PDE4D: variants seen among roughly 807,000 people sequenced by gnomAD.
PDE4D encodes the protein phosphodiesterase 4D.
PDE4D carries 24 observed loss-of-function variants against 87.4 expected under a neutral mutation model. The observed-to-expected ratio is 0.27, with a 90% CI of 0.20 to 0.39. The LOEUF (loss-of-function observed/expected upper bound fraction) is 0.39, where lower values mean the gene tolerates loss of function less well. Ranked by LOEUF, PDE4D falls within the 10% of genes least tolerant of loss-of-function variation. PDE4D has a pLI of 1.00. For missense variants in PDE4D, 714 were observed against 1,041.0 expected, an observed-to-expected ratio of 0.69 and a Z score of 4.32; for synonymous variants, 384 against 383.2, an observed-to-expected ratio of 1.00 and a Z score of -0.02.
intron 1 of PDE4D, among the ~76,000 whole-genome samples, chr5:60,220,179 C>T (rs1303824703): frequency 6.6e-6 from 1 of 152,020 alleles, no homozygotes; most frequent in Non-Finnish European, 1.5e-5. Flanking sequence ...TGCAGCCTGT[C>T]CACAAGATCA....
intron 3 of PDE4D, among the ~76,000 whole-genome samples, chr5:59,912,913 T>C (rs1191889184): frequency 6.6e-6 from 1 of 152,168 alleles, no homozygotes; most frequent in Non-Finnish European, 1.5e-5. Flanking sequence ...TGCTAGTAGG[T>C]GACTGAAGGC....
At chr5:60,452,673 C>T (rs1397729574) in intron 1 of PDE4D, among the ~76,000 whole-genome samples, 1 of 152,066 alleles carries the variant, frequency 6.6e-6, no homozygotes, top group Non-Finnish European at 1.5e-5. Context: ...ACACCTATGG[C>T]ATTTCAGAGG....
chr5:59,100,096 A>G (rs1770476902), intron 5 of PDE4D, among the ~76,000 whole-genome samples: 1 of 152,122 alleles, frequency 6.6e-6, no homozygotes, highest in Non-Finnish European at 1.5e-5. Context: ...TATCTCCCAA[A>G]CTGCTTCCCA....
chr5:59,359,173 A>G (rs1173559077), intron 1 of PDE4D, among the ~76,000 whole-genome samples: 2 of 152,212 alleles, frequency 1.3e-5, no homozygotes, highest in African/African-American at 4.8e-5. Context: ...AGGAAGGAGA[A>G]CTAATCTTGT....
intron 5 of PDE4D, among the ~76,000 whole-genome samples, chr5:59,100,981 A>G (rs1242406315): frequency 6.6e-6 from 1 of 152,218 alleles, no homozygotes; most frequent in Non-Finnish European, 1.5e-5. Context: ...GGCTTCTGCC[A>G]CTGCCATGTG....
chr5:60,476,426 T>C (rs1190372027), intron 1 of PDE4D, among the ~76,000 whole-genome samples: 1 of 152,158 alleles, frequency 6.6e-6, no homozygotes, highest in African/African-American at 2.4e-5. Flanking sequence ...ACACAGCCCC[T>C]GCCATGACTG....
intron 5 of PDE4D, among the ~76,000 whole-genome samples, chr5:59,106,284 A>C (rs1278176816): frequency 3.3e-5 from 5 of 152,240 alleles, no homozygotes; most frequent in Non-Finnish European, 5.9e-5. Flanking sequence ...GTATAGAGGA[A>C]CAACTTGTAG....
intron 1 of PDE4D, among the ~76,000 whole-genome samples, chr5:60,503,502 C>T (rs1750189931): frequency 6.6e-6 from 1 of 151,928 alleles, no homozygotes; most frequent in Non-Finnish European, 1.5e-5. Context: ...TTTGGTATTC[C>T]TTGCATTTAT....
rs182692856 is a variant in PDE4D at position 59,772,691 on chromosome 5, T to C, written c.455+120477A>G. Reference sequence around the variant, plus strand: ...TCAAAAGGATGGAAGAAATGATTTATACTCAGCTATGGAAAACATTGTATG... The same window carrying C: ...TCAAAAGGATGGAAGAAATGATTTACACTCAGCTATGGAAAACATTGTATG... On this transcript the variant is annotated intron_variant, in intron 1 of 14. Coordinates refer to ENST00000340635, the MANE Select transcript of PDE4D (RefSeq NM_001104631.2). Among the ~76,000 whole-genome samples the C allele has an allele frequency of 1.8e-4, 28 of 152,350 alleles. 1 individual carries two copies. In the East Asian group the frequency reaches 5.0e-3, roughly 27 times the overall value.
chr5:59,790,074 A>G (rs1029614633), intron 1 of PDE4D, among the ~76,000 whole-genome samples: 5 of 152,196 alleles, frequency 3.3e-5, no homozygotes, highest in African/African-American at 1.2e-4. Context: ...TGACAGAGAC[A>G]CACAGAGCCT....
chr5:59,871,590 G>T (rs62371462), intron 1 of PDE4D, among the ~76,000 whole-genome samples: 3 of 152,172 alleles, frequency 2.0e-5, no homozygotes, highest in South Asian at 2.1e-4. Flanking sequence ...ATACACTTCG[G>T]TTGCTTAATT....
chr5:59,562,824 C>A (rs993206303), intron 1 of PDE4D, among the ~76,000 whole-genome samples: 5 of 151,912 alleles, frequency 3.3e-5, no homozygotes, highest in African/African-American at 9.7e-5. Context: ...TAGAAAGAAA[C>A]CCTATTTCTC....
At chr5:59,318,951 C>T (rs1280878812) in intron 1 of PDE4D, among the ~76,000 whole-genome samples, 3 of 151,874 alleles carry the variant, frequency 2.0e-5, no homozygotes, top group African/African-American at 4.8e-5. Flanking sequence ...GACCATAGCC[C>T]TTCTGTTCAT....
intron 1 of PDE4D, among the ~76,000 whole-genome samples, chr5:60,462,011 G>C (rs998919273): frequency 3.3e-5 from 5 of 152,278 alleles, no homozygotes; most frequent in African/African-American, 1.2e-4. Flanking sequence ...TGAAAAGCAG[G>C]AGTGAAAAGG....
chr5:59,692,102 A>G (rs1580455213), intron 1 of PDE4D, among the ~76,000 whole-genome samples: 1 of 152,166 alleles, frequency 6.6e-6, no homozygotes, highest in East Asian at 1.9e-4. Flanking sequence ...CATGTGGGAA[A>G]AGTTCTTCTT....
At chr5:59,342,959 T>C (rs977425845) in intron 1 of PDE4D, among the ~76,000 whole-genome samples, 2 of 133,420 alleles carry the variant, frequency 1.5e-5, no homozygotes, top group African/African-American at 6.0e-5. Flanking sequence ...TCTACTCTCT[T>C]AGAAATTTTC....
chr5:60,479,040 G>A (rs1561300662), intron 1 of PDE4D, among the ~76,000 whole-genome samples: 1 of 152,110 alleles, frequency 6.6e-6, no homozygotes, highest in Non-Finnish European at 1.5e-5. Flanking sequence ...ACTGAGGCTG[G>A]CGGTGGCAAT....
chr5:59,292,113 A>C (rs933381864), intron 1 of PDE4D, among the ~76,000 whole-genome samples: 1 of 152,138 alleles, frequency 6.6e-6, no homozygotes, highest in Non-Finnish European at 1.5e-5. Context: ...ATATGGGGAA[A>C]GAATATGAAA....
chr5:59,687,905 G>C (rs893647651), intron 1 of PDE4D, among the ~76,000 whole-genome samples: 10 of 152,028 alleles, frequency 6.6e-5, no homozygotes, highest in African/African-American at 2.4e-4. Flanking sequence ...CAAAAAAAAG[G>C]TGGGGTTGCA....
Sources: gnomAD v4.1 joint callset for allele counts (sites outside exome capture counted in the v4.1 genomes callset) on GRCh38, gnomAD v4.1.1 for gene constraint, MANE v1.5 for transcripts, NCBI Gene and HGNC (gene_info 2026-07-23, HGNC 2026-07-21) for gene names.